STAG1: variants seen among roughly 807,000 people sequenced by gnomAD.
STAG1 encodes STAG1 cohesin complex component.
In STAG1, 26 loss-of-function variants were observed where a neutral mutation model predicts 170.9. The ratio of observed to expected loss-of-function variants is 0.15; its 90% CI spans 0.11 to 0.21. STAG1 has a LOEUF of 0.21. STAG1 is among the 10% of genes least tolerant of loss of function. STAG1 has a pLI of 1.00. For synonymous variants in STAG1, 514 were observed against 497.7 expected, an observed-to-expected ratio of 1.03 and a Z score of -0.44; for missense variants, 964 against 1,509.5, an observed-to-expected ratio of 0.64 and a Z score of 5.99.
chr3:136,398,917 C>G (rs1473960347), intron 21 of STAG1, 88 bp from the exon 22 acceptor site: 1 of 698,414 alleles, frequency 1.4e-6, no homozygotes, highest in East Asian at 3.7e-5. Context: ...ATATTTATCA[C>G]AGTTGTTATT....
chr3:136,540,215 T>C (rs1485229789), intron 6 of STAG1, among the ~76,000 whole-genome samples: 3 of 151,938 alleles, frequency 2.0e-5, no homozygotes, highest in Non-Finnish European at 2.9e-5. Flanking sequence ...AGGAATAATA[T>C]CTTCCTCAAG....
intron 6 of STAG1, among the ~76,000 whole-genome samples, chr3:136,536,622 A>G (rs1037220315): frequency 6.6e-6 from 1 of 150,434 alleles, no homozygotes; most frequent in African/African-American, 2.5e-5. Flanking sequence ...AATCGCTTCA[A>G]CTCGGGAGGC....
At chr3:136,371,202 GGTT>G (rs948498090) in intron 23 of STAG1, among the ~76,000 whole-genome samples, 47 of 152,032 alleles carry the variant, frequency 3.1e-4, no homozygotes, top group Non-Finnish European at 5.4e-4. Context: ...TTTTTGATGT[GGTT>G]GTTTTTTTCT....
At chr3:136,395,160 T>C (rs1233971969) in intron 22 of STAG1, among the ~76,000 whole-genome samples, 2 of 152,070 alleles carry the variant, frequency 1.3e-5, no homozygotes, top group African/African-American at 2.4e-5. Flanking sequence ...ATATGTAATA[T>C]GACTAATACA....
At chr3:136,558,755 C>T (rs957298791) in intron 5 of STAG1, among the ~76,000 whole-genome samples, 1 of 152,156 alleles carries the variant, frequency 6.6e-6, no homozygotes, top group Non-Finnish European at 1.5e-5. Flanking sequence ...CCAGCAATTC[C>T]ACCCCTCAGT....
intron 1 of STAG1, among the ~76,000 whole-genome samples, chr3:136,660,200 C>A (rs112971724): frequency 4.6e-5 from 7 of 152,222 alleles, no homozygotes; most frequent in African/African-American, 1.4e-4. Flanking sequence ...GATGTCTCTT[C>A]CTATAAAACT....
intron 6 of STAG1, among the ~76,000 whole-genome samples, chr3:136,539,201 A>T (rs1174235366): frequency 6.6e-6 from 1 of 151,836 alleles, no homozygotes; most frequent in Non-Finnish European, 1.5e-5. Context: ...TTAACTTGGG[A>T]CTGGAGATAA....
intron 6 of STAG1, among the ~76,000 whole-genome samples, chr3:136,537,494 AT>A (rs780672876): frequency 4.5e-4 from 59 of 131,632 alleles, no homozygotes; most frequent in African/African-American, 1.4e-3. Context: ...TTTTTTGTTT[AT>A]TTTTTTTTTG....
At chr3:136,696,303 AG>A (rs1428723853) in intron 1 of STAG1, among the ~76,000 whole-genome samples, 1 of 65,978 alleles carries the variant, frequency 1.5e-5, no homozygotes, top group Non-Finnish European at 3.1e-5. Flanking sequence ...AATCCCTGGA[AG>A]CATGTGCTTT....
At chr3:136,424,880 G>A (rs752306906) in intron 16 of STAG1, among the ~76,000 whole-genome samples, 2 of 151,804 alleles carry the variant, frequency 1.3e-5, no homozygotes, top group Non-Finnish European at 2.9e-5. Flanking sequence ...TCACTCTGTC[G>A]CCAGGCTAGA....
chr3:136,438,723 G>C (rs2088535656), intron 15 of STAG1, among the ~76,000 whole-genome samples: 1 of 151,972 alleles, frequency 6.6e-6, no homozygotes, highest in South Asian at 2.1e-4. Flanking sequence ...AGCTCATCTA[G>C]TATAACACTA....
At chr3:136,724,621 T>C (rs938834226) in intron 1 of STAG1, among the ~76,000 whole-genome samples, 7 of 145,624 alleles carry the variant, frequency 4.8e-5, no homozygotes, top group South Asian at 4.3e-4. Context: ...AAAAAAAAGA[T>C]TGGAGAGCAT....
At chr3:136,557,621 T>G (rs1035966067) in intron 5 of STAG1, among the ~76,000 whole-genome samples, 2 of 152,118 alleles carry the variant, frequency 1.3e-5, no homozygotes, top group African/African-American at 4.8e-5. Context: ...CGGCTCACCG[T>G]AACCTCCGCC....
intron 13 of STAG1, among the ~76,000 whole-genome samples, chr3:136,457,950 C>G (rs1196010664): frequency 1.3e-5 from 2 of 151,898 alleles, no homozygotes; most frequent in African/African-American, 2.4e-5. Flanking sequence ...AAAAAACAAA[C>G]AAACAAACAA....
At chr3:136,620,531 T>G (rs1317718275) in intron 3 of STAG1, among the ~76,000 whole-genome samples, 1 of 152,052 alleles carries the variant, frequency 6.6e-6, no homozygotes, top group Non-Finnish European at 1.5e-5. Flanking sequence ...ACTTTTTAAC[T>G]TCATATTCTA....
intron 13 of STAG1, among the ~76,000 whole-genome samples, chr3:136,457,518 C>A (rs1455048642): frequency 6.6e-6 from 1 of 152,118 alleles, no homozygotes; most frequent in East Asian, 1.9e-4. Flanking sequence ...TCCCAGAGCT[C>A]GGGGCCTTCG....
At position 136,478,791 on chromosome 3, in the gene STAG1, C is replaced by A. The variant is rs2089832304; in HGVS notation, c.903-1379G>T. On this transcript the variant is annotated intron_variant, in intron 9 of 33. Transcript: ENST00000383202. ...CTACATTTTTTGATAGTATCTTTTT[C>A]TCATGGAGAGGCTGTACAACATAGT... 2.0e-5 allele frequency among the ~76,000 whole-genome samples: 3 copies of A among 152,058 alleles called. No individual in the cohort carries two copies. In the South Asian group the frequency reaches 6.2e-4, roughly 32 times the overall value.
At chr3:136,406,961 CAAGG>C (rs1271750763) in intron 21 of STAG1, among the ~76,000 whole-genome samples, 4 of 151,866 alleles carry the variant, frequency 2.6e-5, no homozygotes. Context: ...ATATTGGAAA[CAAGG>C]AAGTGTAAAA....
At chr3:136,477,211 T>A (rs1251823974) in intron 10 of STAG1, 78 bp downstream of exon 10, 5 of 1,449,394 alleles carry the variant, frequency 3.4e-6, no homozygotes, top group Non-Finnish European at 4.6e-6. Context: ...AAAAATCAAC[T>A]ACTGTCATTT....
Sources: gnomAD v4.1 joint callset for allele counts (sites outside exome capture counted in the v4.1 genomes callset) on GRCh38, gnomAD v4.1.1 for gene constraint, MANE v1.5 for transcripts, NCBI Gene and HGNC (gene_info 2026-07-23, HGNC 2026-07-21) for gene names.